Variants in CAMK4 observed in about 807,000 individuals in gnomAD.
CAMK4 encodes calcium/calmodulin-dependent protein kinase type IV.
CAMK4 carries 22 observed loss-of-function variants against 44.9 expected under a neutral mutation model. The ratio of observed to expected loss-of-function variants is 0.49; its 90% confidence interval spans 0.35 to 0.70. CAMK4 has a LOEUF of 0.70. CAMK4 is among the 30% of genes least tolerant of loss of function. The pLI is 0.01. For missense variants in CAMK4, 498 were observed against 586.8 expected (o/e 0.85, Z 1.56); for synonymous variants, 218 against 215.4 (o/e 1.01, Z -0.11).
intron 1 of CAMK4, among the ~76,000 whole-genome samples, chr5:111,244,774 T>A (rs1238108285): frequency 6.6e-6 from 1 of 152,040 alleles, no homozygotes; most frequent in Admixed American, 6.5e-5. Context: ...GGCAAGAGAA[T>A]TGCTTGAACC....
rs187780147 is a variant in CAMK4 at position 111,262,597 on chromosome 5, T to C, written c.161+37953T>C. On this transcript the variant is annotated intron_variant, in intron 1 of 10. Transcript: ENST00000282356. ...TTGAATCAATCTGAGGGGGATTTTA[T>C]GGCCATCTTTTCCAGATGCATAAAT... 3.2e-4 allele frequency among the ~76,000 whole-genome samples: 48 copies of C among 152,332 alleles called. No individual in the cohort carries two copies. In the East Asian group the frequency reaches 8.7e-3, roughly 28 times the overall value.
intron 1 of CAMK4, among the ~76,000 whole-genome samples, chr5:111,253,125 C>A (rs1749591410): frequency 6.6e-6 from 1 of 152,208 alleles, no homozygotes; most frequent in African/African-American, 2.4e-5. Context: ...CATGTACATA[C>A]ACACATTTAT....
intron 3 of CAMK4, among the ~76,000 whole-genome samples, chr5:111,375,307 A>G (rs1250813904): frequency 6.6e-6 from 1 of 152,160 alleles, no homozygotes; most frequent in African/African-American, 2.4e-5. Flanking sequence ...GTCTGCTTTG[A>G]GAGAGGATCT....
At chr5:111,422,622 A>G (rs896542861) in intron 5 of CAMK4, among the ~76,000 whole-genome samples, 4 of 152,220 alleles carry the variant, frequency 2.6e-5, no homozygotes, top group African/African-American at 9.6e-5. Context: ...AGCAGATGGA[A>G]CATTTGGACT....
intron 5 of CAMK4, among the ~76,000 whole-genome samples, chr5:111,442,133 G>T (rs902297301): frequency 6.6e-6 from 1 of 152,154 alleles, no homozygotes; most frequent in Non-Finnish European, 1.5e-5. Context: ...TCTAGGCTAG[G>T]CATCCCTGGA....
At chr5:111,293,308 C>A (rs986081602) in intron 1 of CAMK4, among the ~76,000 whole-genome samples, 29 of 152,210 alleles carry the variant, frequency 1.9e-4, no homozygotes, top group Non-Finnish European at 2.6e-4. Context: ...TTGAATAGGA[C>A]TCTCTAGGAA....
intron 5 of CAMK4, among the ~76,000 whole-genome samples, chr5:111,424,090 C>G (rs1362294857): frequency 6.6e-6 from 1 of 152,210 alleles, no homozygotes; most frequent in Non-Finnish European, 1.5e-5. Flanking sequence ...TCACCCACTA[C>G]TATGCCCTGC....
At chr5:111,467,755 GA>G (rs1478549518) in intron 7 of CAMK4, among the ~76,000 whole-genome samples, 2 of 152,156 alleles carry the variant, frequency 1.3e-5, no homozygotes, top group African/African-American at 4.8e-5. Context: ...CTGTTGATGG[GA>G]ATGTAAACTA....
intron 7 of CAMK4, among the ~76,000 whole-genome samples, chr5:111,470,647 GA>G (rs1224171244): frequency 6.6e-6 from 1 of 152,052 alleles, no homozygotes; most frequent in Non-Finnish European, 1.5e-5. Flanking sequence ...ATTATTAACT[GA>G]AAAAACAATA....
rs1217010289 is a variant in CAMK4 at position 111,490,229 on chromosome 5, C to T, written c.*5763C>T. 1 of 152,162 alleles carries T rather than the reference C, an allele frequency of 6.6e-6. No individual in the cohort carries two copies. The highest frequency in any genetic ancestry group is 1.5e-5 in the Non-Finnish European group (1 of 68,036). 9.4% of individuals were successfully genotyped at this position (152,162 alleles called of 1,614,324 possible). A position where few individuals can be genotyped will look rare whatever the true frequency, so the allele number is the denominator to read the frequency against. On this transcript the variant is annotated 3_prime_UTR_variant, in exon 11 of 11. Coordinates refer to ENST00000282356, the MANE Select transcript of CAMK4 (RefSeq NM_001744.6). ...TCCCTGAGCTCTCTCTCAACTTTGA[C>T]AGTTTGTGAATGATAAAAAGTTACT...
intron 1 of CAMK4, among the ~76,000 whole-genome samples, chr5:111,320,423 G>T (rs951468271): frequency 2.6e-5 from 4 of 152,122 alleles, no homozygotes; most frequent in Non-Finnish European, 4.4e-5. Flanking sequence ...GATAGAAACA[G>T]AAATTAATTT....
At chr5:111,299,214 C>T (rs563616064) in intron 1 of CAMK4, among the ~76,000 whole-genome samples, 1 of 152,366 alleles carries the variant, frequency 6.6e-6, no homozygotes, top group African/African-American at 2.4e-5. Flanking sequence ...AGTGCAGGCT[C>T]ACAACTCCAC....
chr5:111,357,521 A>T (rs747604043), intron 2 of CAMK4, among the ~76,000 whole-genome samples: 5 of 147,318 alleles, frequency 3.4e-5, no homozygotes, highest in East Asian at 2.1e-4. Flanking sequence ...AAAAAGTTGA[A>T]TGGTGGCCAG....
chr5:111,388,690 A>T (rs1751691742), intron 4 of CAMK4, among the ~76,000 whole-genome samples: 1 of 152,162 alleles, frequency 6.6e-6, no homozygotes, highest in Non-Finnish European at 1.5e-5. Flanking sequence ...TTATACCAAG[A>T]GAAAGCCCAT....
chr5:111,410,583 CT>C (rs761885336), intron 5 of CAMK4, among the ~76,000 whole-genome samples: 3 of 152,054 alleles, frequency 2.0e-5, no homozygotes, highest in Non-Finnish European at 4.4e-5. Context: ...TTTCCTTACT[CT>C]GTGGTAGTAG....
chr5:111,255,980 A>G (rs1749725933), intron 1 of CAMK4, among the ~76,000 whole-genome samples: 1 of 152,196 alleles, frequency 6.6e-6, no homozygotes, highest in Non-Finnish European at 1.5e-5. Flanking sequence ...TATATTTAGA[A>G]TGCATACACA....
intron 1 of CAMK4, among the ~76,000 whole-genome samples, chr5:111,226,376 C>T (rs1347611349): frequency 6.6e-6 from 1 of 152,138 alleles, no homozygotes; most frequent in East Asian, 1.9e-4. Context: ...TTCAGAATTA[C>T]GTGTTGCAGT....
intron 1 of CAMK4, among the ~76,000 whole-genome samples, chr5:111,273,716 TATACACAC>T (rs1216353587): frequency 0.13 from 7,523 of 56,820 alleles, 883 homozygotes; most frequent in African/African-American, 0.3. Flanking sequence ...TATATATATA[TATACACAC>T]ACATACATAC....
chr5:111,229,874 T>C (rs1748382049), intron 1 of CAMK4, among the ~76,000 whole-genome samples: 1 of 152,282 alleles, frequency 6.6e-6, no homozygotes, highest in Non-Finnish European at 1.5e-5. Context: ...CTTCATAGGG[T>C]CTTCCCAGGA....
Sources: allele counts gnomAD v4.1 joint callset (sites outside exome capture counted in the v4.1 genomes callset), GRCh38; gene constraint gnomAD v4.1.1; transcripts MANE v1.5; gene names NCBI Gene and HGNC (gene_info 2026-07-23, HGNC 2026-07-21).